Variants in DPP10 observed in about 807,000 individuals in gnomAD.
DPP10 encodes the protein dipeptidyl peptidase like 10, also known as inactive dipeptidyl peptidase 10.
DPP10 carries 33 observed loss-of-function variants against 120.9 expected under a neutral mutation model. The ratio of observed to expected loss-of-function variants is 0.27; its 90% CI spans 0.21 to 0.37. The LOEUF (loss-of-function observed/expected upper bound fraction) is 0.37, where lower values mean the gene tolerates loss of function less well. Among genes scored for constraint, DPP10 ranks in the 10% least tolerant of loss-of-function variants. The pLI is 1.00. For missense variants in DPP10, 816 were observed against 942.8 expected, an observed-to-expected ratio of 0.87 and a Z score of 1.76; for synonymous variants, 337 against 326.1, an observed-to-expected ratio of 1.03 and a Z score of -0.36.
intron 1 of DPP10, among the ~76,000 whole-genome samples, chr2:115,266,116 A>C: frequency 6.6e-6 from 1 of 152,198 alleles, no homozygotes; most frequent in East Asian, 1.9e-4. Flanking sequence ...GGTTATCAGC[A>C]AGACATATTT....
chr2:114,723,235 G>A (rs1183522309), intron 1 of DPP10, among the ~76,000 whole-genome samples: 1 of 152,178 alleles, frequency 6.6e-6, no homozygotes, highest in East Asian at 1.9e-4. Context: ...TGGATTTTAA[G>A]TGTTTTCTGT....
At chr2:115,478,038 G>A (rs779987726) in intron 3 of DPP10, among the ~76,000 whole-genome samples, 20 of 152,042 alleles carry the variant, frequency 1.3e-4, no homozygotes, top group Admixed American at 2.6e-4. Context: ...ATGTGAACTC[G>A]GAGTGAGAAC....
In DPP10 at chr2:114,901,504, A is replaced by G. The variant is rs146993748; in HGVS notation, c.61-407735A>G. ...AGCCACCGCGCCCGGCCACAAATGG[A>G]TAACTCATTTTAAGAAGGGATGAGA... is the stretch of plus-strand genomic sequence containing the variant. On this transcript the variant is annotated intron_variant, in intron 1 of 25. Coordinates refer to ENST00000410059, the MANE Select transcript of DPP10 (RefSeq NM_020868.6). Among the ~76,000 whole-genome samples, 39 of 152,282 alleles carry G rather than the reference A, an allele frequency of 2.6e-4. 2 individuals carry two copies. Among genetic ancestry groups the G allele is most frequent in the African/African-American group, 8.9e-4 (37 of 41,566 alleles).
intron 1 of DPP10, among the ~76,000 whole-genome samples, chr2:115,064,141 T>C (rs2105410045): frequency 6.6e-6 from 1 of 151,712 alleles, no homozygotes; most frequent in East Asian, 2.0e-4. Flanking sequence ...CTCTTCTTTC[T>C]TTTTTTTTCT....
chr2:114,495,609 T>C (rs914113696), intron 1 of DPP10, among the ~76,000 whole-genome samples: 2 of 152,170 alleles, frequency 1.3e-5, no homozygotes, highest in African/African-American at 4.8e-5. Context: ...TTATAAGACA[T>C]TGCAAAGGGA....
At chr2:115,005,924 C>T (rs1375636818) in intron 1 of DPP10, among the ~76,000 whole-genome samples, 2 of 151,996 alleles carry the variant, frequency 1.3e-5, no homozygotes, top group Non-Finnish European at 2.9e-5. Context: ...GTCAGATTCA[C>T]CAAAGTTGAA....
intron 1 of DPP10, among the ~76,000 whole-genome samples, chr2:114,697,397 G>C (rs1184915569): frequency 2.0e-5 from 3 of 151,948 alleles, no homozygotes; most frequent in Admixed American, 2.0e-4. Context: ...GTAAATTCAT[G>C]GTAAGTTATG....
At chr2:114,762,186 AAC>A (rs1558715082) in intron 1 of DPP10, among the ~76,000 whole-genome samples, 1 of 152,224 alleles carries the variant, frequency 6.6e-6, no homozygotes. Context: ...ATAAATTCAT[AAC>A]AGAGATTTTC....
chr2:115,313,986 T>G (rs1426322476), intron 2 of DPP10, among the ~76,000 whole-genome samples: 2 of 152,186 alleles, frequency 1.3e-5, no homozygotes, highest in Non-Finnish European at 2.9e-5. Context: ...TACAAATATA[T>G]GAGTGTACAT....
intron 1 of DPP10, among the ~76,000 whole-genome samples, chr2:114,937,295 CT>C (rs1030687771): frequency 3.9e-4 from 59 of 152,202 alleles, no homozygotes; most frequent in African/African-American, 1.4e-3. Context: ...CAGTTTCGTT[CT>C]CCTACATGTG....
intron 1 of DPP10, among the ~76,000 whole-genome samples, chr2:115,280,917 A>T (rs1408901929): frequency 1.3e-5 from 2 of 152,170 alleles, no homozygotes; most frequent in African/African-American, 4.8e-5. Flanking sequence ...TCTTCCACAA[A>T]AGCTATCATT....
At chr2:114,613,356 A>G (rs998398495) in intron 1 of DPP10, among the ~76,000 whole-genome samples, 2 of 152,320 alleles carry the variant, frequency 1.3e-5, no homozygotes, top group South Asian at 2.1e-4. Flanking sequence ...GGATGAAAAA[A>G]TTTCCGTGAA....
chr2:114,980,395 C>T (rs72945831), intron 1 of DPP10, among the ~76,000 whole-genome samples: 38,470 of 151,780 alleles, frequency 0.25, 4,934 homozygotes, highest in East Asian at 0.35. Context: ...ATCTTCTGTT[C>T]TCTAACACTA....
At chr2:114,794,966 A>G (rs900240159) in intron 1 of DPP10, among the ~76,000 whole-genome samples, 2 of 152,224 alleles carry the variant, frequency 1.3e-5, no homozygotes, top group Admixed American at 6.5e-5. Flanking sequence ...CTAGAATTGT[A>G]TGGCAGTCAT....
At chr2:115,191,070 C>T (rs1362599014) in intron 1 of DPP10, among the ~76,000 whole-genome samples, 1 of 152,124 alleles carries the variant, frequency 6.6e-6, no homozygotes, top group Non-Finnish European at 1.5e-5. Flanking sequence ...GAGACTTCTG[C>T]TCCTATACTA....
rs7574486 is a variant in DPP10 at position 114,862,440 on chromosome 2, A to C, written c.60+419602A>C. 6.5e-3 allele frequency among the ~76,000 whole-genome samples: 988 copies of C among 152,186 alleles called. 15 individuals carry two copies. The highest frequency in any genetic ancestry group is 0.023 in the African/African-American group (945 of 41,534). ...GTATGCTAGCAGAGTGGAAAAAAAA[A>C]CCCTCCAATCTCACACTCGGGAAGC... On this transcript the variant is annotated intron_variant, in intron 1 of 25. Transcript: ENST00000410059.
At chr2:115,081,563 T>C in intron 1 of DPP10, among the ~76,000 whole-genome samples, 1 of 152,342 alleles carries the variant, frequency 6.6e-6, no homozygotes, top group Non-Finnish European at 1.5e-5. Flanking sequence ...TTATAATCAG[T>C]ATCTAATTAC....
At chr2:114,630,037 A>G (rs917553099) in intron 1 of DPP10, among the ~76,000 whole-genome samples, 3 of 152,196 alleles carry the variant, frequency 2.0e-5, no homozygotes, top group Non-Finnish European at 4.4e-5. Context: ...GTGTACATAT[A>G]TACAAATATA....
intron 7 of DPP10, among the ~76,000 whole-genome samples, chr2:115,697,861 T>C (rs532738317): frequency 2.0e-3 from 304 of 152,220 alleles, no homozygotes; most frequent in African/African-American, 7.0e-3. Context: ...GGCGGGCGCC[T>C]GTAGTCCCAG....
Sources: allele counts gnomAD v4.1 joint callset (sites outside exome capture counted in the v4.1 genomes callset), GRCh38; gene constraint gnomAD v4.1.1; transcripts MANE v1.5; gene names NCBI Gene and HGNC (gene_info 2026-07-23, HGNC 2026-07-21).